Variants in CYP26C1 observed in about 807,000 individuals in gnomAD.
The protein encoded by CYP26C1 is cytochrome P450 family 26 subfamily C member 1, also known as cytochrome P450 26C1.
A neutral mutation model predicts 39.1 loss-of-function variants in CYP26C1; 41 were observed. The ratio of observed to expected loss-of-function variants is 1.05; its 90% CI spans 0.82 to 1.36. CYP26C1 has a LOEUF of 1.36. CYP26C1 is among the 40% of genes most tolerant of loss of function. The pLI, the probability that CYP26C1 is intolerant of heterozygous loss-of-function variation, is 0.00. For missense variants in CYP26C1, 833 were observed against 752.0 expected, an observed-to-expected ratio of 1.11 and a Z score of -1.26; for synonymous variants, 362 against 350.8, an observed-to-expected ratio of 1.03 and a Z score of -0.36.
chr10:93,062,638 G>A, intron 2 of CYP26C1, 82 bp from the exon 3 acceptor site: 1 of 1,241,134 alleles, frequency 8.1e-7, no homozygotes, highest in Non-Finnish European at 1.1e-6. Flanking sequence ...GAAAGGACCG[G>A]AACTGGCCTT....
chr10:93,065,953 C>T lies in CYP26C1; in HGVS notation c.862-3C>T. 6.3e-7 allele frequency: 1 copy of T among 1,578,656 alleles called. No homozygotes were observed. Among genetic ancestry groups the T allele is most frequent in the Non-Finnish European group, 8.6e-7 (1 of 1,164,460 alleles). ...CTCAGTGCAGCCCGGGGCTGTCTTGCAGGAGTCGGCTGTGGAGCTCCTCTT... is the reference window on the plus strand; with the variant it reads ...CTCAGTGCAGCCCGGGGCTGTCTTGTAGGAGTCGGCTGTGGAGCTCCTCTT... On this transcript the variant is annotated splice_polypyrimidine_tract_variant and splice_region_variant and intron_variant, in intron 4 of 5. Transcript: ENST00000651965.
intron 1 of CYP26C1, among the ~76,000 whole-genome samples, chr10:93,061,776 C>T (rs1846752274): frequency 6.6e-6 from 1 of 152,222 alleles, no homozygotes; most frequent in Non-Finnish European, 1.5e-5. Context: ...CTTGGCCCAG[C>T]TGTGAGCCCT....
chr10:93,068,378 C>T lies in CYP26C1; in HGVS notation c.1250C>T (p.Thr417Met), dbSNP rs1046501731. ...TATAGCATCCGGGACACGCACGAGA[C>T]GGCTGCGGTGTACCGCAGCCCTCCC... is the stretch of plus-strand genomic sequence containing the variant. ...VMYSIRDTHE[T>M]AAVYRSPPEG... Residue 417 changes from threonine (T) to methionine (M), a missense_variant, in exon 6 of 6, where the codon ACG becomes ATG. Transcript: ENST00000651965. 2 of 1,585,738 alleles carry T rather than the reference C, an allele frequency of 1.3e-6. No homozygotes were observed. Among genetic ancestry groups the T allele is most frequent in the Non-Finnish European group, 1.7e-6 (2 of 1,168,290 alleles).
chr10:93,065,382 T>C (rs1663343393), intron 4 of CYP26C1, among the ~76,000 whole-genome samples: 2 of 152,194 alleles, frequency 1.3e-5, no homozygotes, highest in Admixed American at 1.3e-4. Flanking sequence ...CCTGGGACCA[T>C]TCCGATAGGG....
Position 93,068,769 on chromosome 10 carries a change from C to T in CYP26C1, c.*72C>T. 1 of 1,452,768 alleles carries T rather than the reference C, an allele frequency of 6.9e-7. No individual in the cohort carries two copies. The highest frequency in any genetic ancestry group is 1.4e-5 in the African/African-American group (1 of 69,394). 90.0% of individuals were successfully genotyped at this position (1,452,768 alleles called of 1,614,324 possible). On this transcript the variant is annotated 3_prime_UTR_variant, in exon 6 of 6. Coordinates refer to ENST00000651965, the MANE Select transcript of CYP26C1 (RefSeq NM_183374.3). ...ACGCAGCGCCACCCATCTGCCGCTC[C>T]CCATTGTAGCGTCGCGCGCCCACTC...
At chr10:93,063,341 T>A (rs1248906851) in intron 3 of CYP26C1, 1 of 1,069,766 alleles carries the variant, frequency 9.3e-7, no homozygotes, top group Non-Finnish European at 1.1e-6. Context: ...GCGGCGCCCC[T>A]GGGGCCGGCC....
intron 5 of CYP26C1, among the ~76,000 whole-genome samples, chr10:93,067,053 C>G (rs959608751): frequency 6.6e-6 from 1 of 152,260 alleles, no homozygotes; most frequent in African/African-American, 2.4e-5. Context: ...TTGCAGTCCC[C>G]TGAGCACCAT....
intron 3 of CYP26C1, chr10:93,063,637 A>G: frequency 1.0e-6 from 1 of 985,488 alleles, no homozygotes; most frequent in Non-Finnish European, 1.2e-6. Flanking sequence ...TCACCTGCAT[A>G]AAAATAATAT....
Position 93,067,228 on chromosome 10 carries a change from G to A in CYP26C1, c.1191+943G>A, listed in dbSNP as rs181860443. Among the ~76,000 whole-genome samples the A allele has an allele frequency of 2.1e-3, 323 of 152,344 alleles. 6 individuals are homozygous for A. The highest frequency in any genetic ancestry group is 2.7e-3 in the East Asian group (14 of 5,188). On this transcript the variant is annotated intron_variant, in intron 5 of 5. Transcript: ENST00000651965. ...CGGGACTGACAGCCTCATCCCACTTGTAGTGTGACAGCCTCATCCCACTTG... is the reference window on the plus strand; with the variant it reads ...CGGGACTGACAGCCTCATCCCACTTATAGTGTGACAGCCTCATCCCACTTG...
chr10:93,067,160 G>C (rs147163312), intron 5 of CYP26C1, among the ~76,000 whole-genome samples: 436 of 152,386 alleles, frequency 2.9e-3, no homozygotes, highest in Middle Eastern at 0.01. Context: ...CAAAGGGACT[G>C]GGATTCTACC....
At chr10:93,066,313 AGCCTCCT>A (rs755228137) in intron 5 of CYP26C1, 28 bp downstream of exon 5, 111 of 1,300,442 alleles carry the variant, frequency 8.5e-5, no homozygotes, top group Middle Eastern at 2.9e-4. Context: ...GCCCATGGCC[AGCCTCCT>A]GCCTCCTGCC....
Position 93,064,421 on chromosome 10 carries a change from G to A in CYP26C1, c.746G>A (p.Gly249Glu), listed in dbSNP as rs1477053223. Residue 249 changes from glycine to glutamate, a missense_variant, in exon 4 of 6, where the codon GGG becomes GAG. Gly to Glu is a moderately conservative substitution (Grantham distance 98). Coordinates refer to ENST00000651965, the MANE Select transcript of CYP26C1 (RefSeq NM_183374.3). ...GACCAGCTGCATCGGCACCTGGAGGGGGCCATTTCTGAGAAGCTTCACGAG... is the reference window on the plus strand; with the variant it reads ...GACCAGCTGCATCGGCACCTGGAGGAGGCCATTTCTGAGAAGCTTCACGAG... The part of the protein sequence containing the change: ...ARDQLHRHLE[G>E]AISEKLHEDK... 1 of 1,614,116 alleles carries A rather than the reference G, an allele frequency of 6.2e-7. No individual in the cohort carries two copies. The highest frequency in any genetic ancestry group is 2.2e-5 in the East Asian group (1 of 44,878).
At chr10:93,061,509 T>C in intron 1 of CYP26C1, 42 bp downstream of exon 1, 1 of 1,544,586 alleles carries the variant, frequency 6.5e-7, no homozygotes, top group South Asian at 1.2e-5. Context: ...CGGTCCCTTC[T>C]TCCCCCGGCT....
At position 93,061,283 on chromosome 10, in the gene CYP26C1, G is replaced by T; in HGVS notation, c.20G>T (p.Ser7Ile). The T allele has an allele frequency of 6.3e-7, 1 of 1,589,588 alleles. No individual in the cohort carries two copies. The change falls in exon 1 of 6, where the codon AGC becomes ATC. Residue 7 changes from serine to isoleucine, a missense_variant. Coordinates refer to ENST00000651965, the MANE Select transcript of CYP26C1 (RefSeq NM_183374.3). The stretch of plus-strand genomic sequence containing the variant: ...CTCATCATGTTCCCTTGGGGGCTGA[G>T]CTGCCTGTCAGTGCTGGGGGCGGCG... MFPWGL[S>I]CLSVLGAAGT...
intron 4 of CYP26C1, among the ~76,000 whole-genome samples, chr10:93,065,461 C>T (rs1275092149): frequency 6.6e-6 from 1 of 152,210 alleles, no homozygotes; most frequent in Non-Finnish European, 1.5e-5. Flanking sequence ...CTTTGTTGCA[C>T]TGCAGCCATT....
Position 93,061,114 on chromosome 10 carries a change from C to A in CYP26C1, c.-150C>A. The A allele has an allele frequency of 2.6e-6, 2 of 781,278 alleles. No individual in the cohort carries two copies. The highest frequency in any genetic ancestry group is 4.1e-6 in the Non-Finnish European group (2 of 492,952). The allele number at this position is 781,278 out of a possible 1,614,324, so 48.4% of individuals were successfully genotyped here. On this transcript the variant is annotated 5_prime_UTR_variant, in exon 1 of 6. It adds an upstream start codon to the 5' untranslated region. Transcript: ENST00000651965. ...GTCCGTCTGTTTTTAGAACAGAGTT[C>A]TGGCCTGAGCTTATAAATCTCGGGC...
rs745857624 is a variant in CYP26C1, at chr10:93,064,370, C to T, written c.706-11C>T. On this transcript the variant is annotated splice_polypyrimidine_tract_variant and intron_variant, in intron 3 of 5. Coordinates refer to ENST00000651965, the MANE Select transcript of CYP26C1 (RefSeq NM_183374.3). ...TTCCTGCCCCATCTTTCTTCTCTCC[C>T]TGAACATCAGGGCATCCGGGCAAGG... 1.6e-5 allele frequency: 25 copies of T among 1,611,064 alleles called. No individual in the cohort carries two copies. The highest frequency in any genetic ancestry group is 5.9e-6 in the Non-Finnish European group (7 of 1,178,442).
chr10:93,062,665 C>T (rs1846766170), intron 2 of CYP26C1, 55 bp from the exon 3 acceptor site: 1 of 1,356,060 alleles, frequency 7.4e-7, no homozygotes, highest in East Asian at 2.9e-5. Flanking sequence ...ACTCCGGAAT[C>T]GCCAAGCAGA....
In CYP26C1 at chr10:93,064,452, G is replaced by A; in HGVS notation, c.777G>A (p.Lys259=). The A allele has an allele frequency of 6.2e-7, 1 of 1,614,206 alleles. No homozygotes were observed. Among genetic ancestry groups the A allele is most frequent in the Non-Finnish European group, 8.5e-7 (1 of 1,180,040 alleles). Residue 259 remains lysine, a synonymous_variant, in exon 4 of 6, where the codon AAG becomes AAA. Transcript: ENST00000651965. The part of the protein sequence containing the change: ...GAISEKLHED[K]AAEPGDALDL... ...TTTCTGAGAAGCTTCACGAGGACAA[G>A]GCTGCAGAGCCGGGTGATGCCCTCG...
Sources: allele counts gnomAD v4.1 joint callset (sites outside exome capture counted in the v4.1 genomes callset), GRCh38; gene constraint gnomAD v4.1.1; transcripts MANE v1.5; gene names NCBI Gene and HGNC (gene_info 2026-07-23, HGNC 2026-07-21).